Variants in RAPGEF1 observed in about 807,000 individuals in gnomAD.
RAPGEF1 encodes CRK SH3-binding GNRP.
A neutral mutation model predicts 143.3 loss-of-function variants in RAPGEF1; 33 were observed. That is an observed-to-expected ratio of 0.23 (90% CI 0.17 to 0.31). RAPGEF1 has a LOEUF of 0.31. Ranked by LOEUF, RAPGEF1 falls within the 10% of genes least tolerant of loss-of-function variation. The pLI, the probability that RAPGEF1 is intolerant of heterozygous loss-of-function variation, is 1.00. For missense variants in RAPGEF1, 1,199 were observed against 1,645.4 expected, an observed-to-expected ratio of 0.73 and a Z score of 4.69; for synonymous variants, 629 against 676.5, an observed-to-expected ratio of 0.93 and a Z score of 1.09.
chr9:131,626,115 G>C lies in RAPGEF1; in HGVS notation c.1509C>G (p.Asp503Glu), dbSNP rs775848293. The C allele has an allele frequency of 1.2e-6, 2 of 1,613,986 alleles. No individual in the cohort carries two copies. Among genetic ancestry groups the C allele is most frequent in the South Asian group, 2.2e-5 (2 of 91,080 alleles). The change falls in exon 10 of 27, where the codon GAC (aspartate) becomes GAG (glutamate). Residue 503 changes from aspartate to glutamate, a missense_variant. By Grantham distance (45) the Asp-to-Glu change is conservative. Coordinates refer to ENST00000683357, the MANE Select transcript of RAPGEF1 (RefSeq NM_001377935.1). ...VSYERHPSQY[D>E]NISGEDLQST... Reference sequence around the variant, plus strand: ...TCTGCAGGTCCTCCCCAGAGATGTTGTCATACTGCGAGGGATGCCGCTCGT... The same window carrying C: ...TCTGCAGGTCCTCCCCAGAGATGTTCTCATACTGCGAGGGATGCCGCTCGT...
chr9:131,634,549 C>T (rs1564585022), intron 5 of RAPGEF1, among the ~76,000 whole-genome samples: 14 of 151,620 alleles, frequency 9.2e-5, no homozygotes, highest in African/African-American at 2.4e-5. Context: ...CTTGTCTCTA[C>T]TAAAGATACA....
At chr9:131,696,372 C>CTT (rs1834181575) in intron 1 of RAPGEF1, among the ~76,000 whole-genome samples, 1 of 152,168 alleles carries the variant, frequency 6.6e-6, no homozygotes, top group African/African-American at 2.4e-5. Context: ...TCTTAAAGGG[C>CTT]TTTCCTTAAA....
chr9:131,616,163 GA>G (rs1958975377), intron 12 of RAPGEF1, among the ~76,000 whole-genome samples: 1 of 152,056 alleles, frequency 6.6e-6, no homozygotes, highest in Admixed American at 6.5e-5. Flanking sequence ...AGCTACTCCG[GA>G]GGCTGAGGCA....
At chr9:131,734,056 C>T (rs546131528) in intron 1 of RAPGEF1, among the ~76,000 whole-genome samples, 24 of 152,302 alleles carry the variant, frequency 1.6e-4, no homozygotes, top group African/African-American at 4.6e-4. Flanking sequence ...GAGTATCAGA[C>T]GCAGTCTAAA....
intron 1 of RAPGEF1, among the ~76,000 whole-genome samples, chr9:131,680,962 G>A (rs1416991619): frequency 6.6e-6 from 1 of 152,124 alleles, no homozygotes; most frequent in Non-Finnish European, 1.5e-5. Context: ...GAACTAGCTG[G>A]AGGACACCCG....
At chr9:131,633,723 G>A (rs1043718302) in intron 5 of RAPGEF1, among the ~76,000 whole-genome samples, 1 of 152,138 alleles carries the variant, frequency 6.6e-6, no homozygotes, top group East Asian at 1.9e-4. Context: ...TAAAAGGGGC[G>A]GGCTGCTTTT....
chr9:131,683,819 T>C (rs1833110794), intron 1 of RAPGEF1, among the ~76,000 whole-genome samples: 1 of 152,266 alleles, frequency 6.6e-6, no homozygotes, highest in Non-Finnish European at 1.5e-5. Context: ...ACATGGTTCA[T>C]TCCACACAGT....
intron 17 of RAPGEF1, among the ~76,000 whole-genome samples, chr9:131,594,849 C>G (rs1954965375): frequency 6.6e-6 from 1 of 152,214 alleles, no homozygotes; most frequent in African/African-American, 2.4e-5. Context: ...CCCGACAGGA[C>G]AGTGGAGTTC....
At chr9:131,586,055 T>C (rs1952669304) in intron 22 of RAPGEF1, among the ~76,000 whole-genome samples, 1 of 152,110 alleles carries the variant, frequency 6.6e-6, no homozygotes, top group African/African-American at 2.4e-5. Context: ...GGCGAGCACC[T>C]GTAGTCCCAG....
intron 1 of RAPGEF1, among the ~76,000 whole-genome samples, chr9:131,714,344 T>A (rs74322531): frequency 6.6e-6 from 1 of 151,744 alleles, no homozygotes; most frequent in African/African-American, 2.4e-5. Flanking sequence ...TTTTTTTTTT[T>A]AGATAGAAAT....
intron 15 of RAPGEF1, 143 bp from the exon 16 acceptor site, chr9:131,598,453 G>C (rs865956554): frequency 2.6e-5 from 19 of 722,696 alleles, no homozygotes; most frequent in Non-Finnish European, 4.7e-5. Flanking sequence ...ACTATGGACT[G>C]GATCCTCAGC....
intron 1 of RAPGEF1, among the ~76,000 whole-genome samples, chr9:131,717,754 G>C (rs1835959583): frequency 8.3e-6 from 1 of 121,200 alleles, no homozygotes; most frequent in African/African-American, 2.9e-5. Context: ...GCAACAGAGT[G>C]AGACTGTCTC....
chr9:131,666,522 G>T (rs988517435), intron 1 of RAPGEF1, among the ~76,000 whole-genome samples: 20 of 152,032 alleles, frequency 1.3e-4, no homozygotes, highest in African/African-American at 4.6e-4. Context: ...GAGTAGCGGG[G>T]ACTACAGGTG....
intron 5 of RAPGEF1, among the ~76,000 whole-genome samples, chr9:131,634,645 G>A (rs532522812): frequency 1.4e-5 from 2 of 145,106 alleles, no homozygotes; most frequent in African/African-American, 2.6e-5. Context: ...CCCAGGAGGC[G>A]GAGGTTGCAG....
intron 1 of RAPGEF1, among the ~76,000 whole-genome samples, chr9:131,723,353 T>A (rs1428365464): frequency 1.3e-5 from 2 of 152,166 alleles, no homozygotes; most frequent in Non-Finnish European, 2.9e-5. Flanking sequence ...TGGTAATAAG[T>A]AACATTCATA....
intron 12 of RAPGEF1, among the ~76,000 whole-genome samples, chr9:131,608,679 C>G (rs1055071020): frequency 1.3e-5 from 2 of 152,218 alleles, no homozygotes; most frequent in Non-Finnish European, 2.9e-5. Context: ...AAGAGCCAAA[C>G]TGGAAAGGTA....
intron 1 of RAPGEF1, among the ~76,000 whole-genome samples, chr9:131,686,283 T>G (rs566466935): frequency 1.3e-5 from 2 of 152,212 alleles, no homozygotes; most frequent in African/African-American, 2.4e-5. Flanking sequence ...CAAAACTTTA[T>G]TTATAAAAAC....
chr9:131,634,392 A>C (rs1237894192), intron 5 of RAPGEF1, among the ~76,000 whole-genome samples: 17 of 152,150 alleles, frequency 1.1e-4, no homozygotes, highest in Admixed American at 1.1e-3. Flanking sequence ...GTAATACTTT[A>C]TTTCCATGTT....
intron 13 of RAPGEF1, 77 bp from the exon 14 acceptor site, chr9:131,604,130 C>T: frequency 1.2e-6 from 1 of 867,664 alleles, no homozygotes; most frequent in South Asian, 1.4e-5. Context: ...CAGGGGATGC[C>T]ACAGCCTGCA....
Sources: gnomAD v4.1 joint callset for allele counts (sites outside exome capture counted in the v4.1 genomes callset) on GRCh38, gnomAD v4.1.1 for gene constraint, MANE v1.5 for transcripts, NCBI Gene and HGNC (gene_info 2026-07-23, HGNC 2026-07-21) for gene names.